LINGO2: variants seen among roughly 807,000 people sequenced by gnomAD.
LINGO2 encodes the protein leucine rich repeat and Ig domain containing 2.
Under a neutral mutation model 30.6 loss-of-function variants are expected in LINGO2, and 14 were observed. That is an observed-to-expected ratio of 0.46 (90% confidence interval 0.30 to 0.72). The LOEUF (loss-of-function observed/expected upper bound fraction) is 0.72, where lower values mean the gene tolerates loss of function less well. Ranked by LOEUF, LINGO2 falls within the 30% of genes least tolerant of loss-of-function variation. LINGO2 has a pLI of 0.07. For missense variants in LINGO2, 729 were observed against 751.7 expected (o/e 0.97, Z 0.35); for synonymous variants, 317 against 288.5 (o/e 1.10, Z -1.00).
At chr9:28,849,262 C>CTTT in the LINGO2 span, among the ~76,000 whole-genome samples, 2 of 1,102 alleles carry the variant, frequency 1.8e-3, no homozygotes. Flanking sequence ...CCTAAAGCAG[C>CTTT]TTTTTGTTGT....
chr9:28,822,886 A>G, the LINGO2 span, among the ~76,000 whole-genome samples: 1 of 152,206 alleles, frequency 6.6e-6, no homozygotes, highest in East Asian at 1.9e-4. Context: ...GGCACTGGGT[A>G]TAGAAAAGGA....
At chr9:28,241,904 A>C (rs11521186) in intron 4 of LINGO2, among the ~76,000 whole-genome samples, 50,549 of 151,988 alleles carry the variant, frequency 0.33, 8,429 homozygotes, top group Middle Eastern at 0.4. Flanking sequence ...TGAAAGAAAA[A>C]CAAACAGAAA....
chr9:28,002,953 T>C (rs1265264177), intron 5 of LINGO2, among the ~76,000 whole-genome samples: 1 of 152,176 alleles, frequency 6.6e-6, no homozygotes, highest in African/African-American at 2.4e-5. Context: ...ATCCTGTCCA[T>C]GGATAGTTGC....
At chr9:29,103,914 C>T in the LINGO2 span, among the ~76,000 whole-genome samples, 4 of 152,140 alleles carry the variant, frequency 2.6e-5, no homozygotes, top group African/African-American at 9.7e-5. Context: ...TTAATAGCTG[C>T]GCCTCATGAA....
intron 3 of LINGO2, among the ~76,000 whole-genome samples, chr9:28,303,817 T>C (rs1453221265): frequency 3.7e-4 from 56 of 151,958 alleles, no homozygotes; most frequent in Admixed American, 3.7e-3. Context: ...TCTTGCTGTC[T>C]CTGGGGTGGC....
At chr9:28,855,387 G>T in the LINGO2 span, among the ~76,000 whole-genome samples, 2 of 151,934 alleles carry the variant, frequency 1.3e-5, no homozygotes, top group African/African-American at 4.8e-5. Context: ...TAATGCATTC[G>T]TAACCAGAAG....
chr9:28,701,356 A>T, the LINGO2 span, among the ~76,000 whole-genome samples: 1 of 151,886 alleles, frequency 6.6e-6, no homozygotes, highest in Non-Finnish European at 1.5e-5. Context: ...GTCTAAATTC[A>T]TTTTATTTTG....
chr9:28,309,407 GA>G (rs1824513328), intron 3 of LINGO2, among the ~76,000 whole-genome samples: 1 of 149,344 alleles, frequency 6.7e-6, no homozygotes, highest in Non-Finnish European at 1.5e-5. Context: ...ACAGGAAGGG[GA>G]ACATCACACT....
At chr9:28,492,646 TGAA>T (rs1273586402) in intron 1 of LINGO2, among the ~76,000 whole-genome samples, 1 of 152,120 alleles carries the variant, frequency 6.6e-6, no homozygotes, top group Non-Finnish European at 1.5e-5. Flanking sequence ...TTCCCTCCAT[TGAA>T]GAAGATGCAT....
chr9:28,048,709 A>G (rs116402950), intron 4 of LINGO2, among the ~76,000 whole-genome samples: 1 of 150,900 alleles, frequency 6.6e-6, no homozygotes, highest in African/African-American at 2.5e-5. Flanking sequence ...AATAGCATAA[A>G]TGTCCAAGAT....
chr9:28,300,126 G>GAAAAAAA (rs11306826), intron 3 of LINGO2, among the ~76,000 whole-genome samples: 5 of 132,010 alleles, frequency 3.8e-5, no homozygotes, highest in African/African-American at 5.6e-5. Context: ...TTTTCTAATG[G>GAAAAAAA]AAAAAAAAAA....
chr9:28,986,444 A>G, the LINGO2 span, among the ~76,000 whole-genome samples: 1,019 of 152,150 alleles, frequency 6.7e-3, 3 homozygotes, highest in Non-Finnish European at 9.5e-3. Flanking sequence ...ACTACATTCA[A>G]TCTGTAGTTC....
At chr9:28,962,825 C>G in the LINGO2 span, among the ~76,000 whole-genome samples, 1 of 151,692 alleles carries the variant, frequency 6.6e-6, no homozygotes, top group Non-Finnish European at 1.5e-5. Flanking sequence ...TAATCTTAAA[C>G]ATACTTTAAT....
At chr9:28,885,947 A>G in the LINGO2 span, among the ~76,000 whole-genome samples, 1 of 151,960 alleles carries the variant, frequency 6.6e-6, no homozygotes, top group Non-Finnish European at 1.5e-5. Flanking sequence ...TGCCTAATAT[A>G]CTCTTTTATC....
At chr9:28,232,197 G>A (rs1384003433) in intron 4 of LINGO2, among the ~76,000 whole-genome samples, 1 of 151,924 alleles carries the variant, frequency 6.6e-6, no homozygotes, top group African/African-American at 2.4e-5. Flanking sequence ...TCAGGAGTTC[G>A]AGACCAGTCT....
At chr9:29,058,468 C>T in the LINGO2 span, among the ~76,000 whole-genome samples, 2 of 151,820 alleles carry the variant, frequency 1.3e-5, no homozygotes, top group South Asian at 4.1e-4. Flanking sequence ...ATAAAGTGAC[C>T]TATGGGAAAA....
At chr9:28,385,299 A>C (rs1464080625) in intron 2 of LINGO2, among the ~76,000 whole-genome samples, 2 of 152,164 alleles carry the variant, frequency 1.3e-5, no homozygotes, top group Non-Finnish European at 2.9e-5. Flanking sequence ...TAATATAATT[A>C]ACCTCACCTG....
the LINGO2 span, among the ~76,000 whole-genome samples, chr9:28,961,400 C>T: frequency 3.9e-5 from 6 of 152,054 alleles, no homozygotes; most frequent in African/African-American, 1.2e-4. Context: ...TAACTTGTAA[C>T]GTAATCCATA....
chr9:28,507,212 A>AGT (rs74182511), intron 1 of LINGO2, among the ~76,000 whole-genome samples: 5,640 of 148,726 alleles, frequency 0.038, 218 homozygotes, highest in East Asian at 0.13. Context: ...ATTTCAGAGG[A>AGT]GTGTGTGTGT....
Sources: gnomAD v4.1 joint callset for allele counts (sites outside exome capture counted in the v4.1 genomes callset) on GRCh38, gnomAD v4.1.1 for gene constraint, MANE v1.5 for transcripts, NCBI Gene and HGNC (gene_info 2026-07-23, HGNC 2026-07-21) for gene names.